PHF20L1: variants seen among roughly 807,000 people sequenced by gnomAD.
The protein encoded by PHF20L1 is PHD finger protein 20-like protein 1.
PHF20L1 carries 44 observed loss-of-function variants against 125.5 expected under a neutral mutation model. That is an observed-to-expected ratio of 0.35 (90% confidence interval 0.28 to 0.45). The LOEUF (loss-of-function observed/expected upper bound fraction) is 0.45, where lower values mean the gene tolerates loss of function less well. PHF20L1 is among the 20% of genes least tolerant of loss of function. The pLI is 1.00. For synonymous variants in PHF20L1, 380 were observed against 403.1 expected (o/e 0.94, Z 0.69); for missense variants, 1,012 against 1,217.2 (o/e 0.83, Z 2.51).
chr8:132,778,204 A>G (rs745393061), intron 2 of PHF20L1, among the ~76,000 whole-genome samples: 2 of 152,224 alleles, frequency 1.3e-5, no homozygotes, highest in African/African-American at 4.8e-5. Flanking sequence ...TATACCTCAC[A>G]TGAGCTGTAT....
chr8:132,844,625 T>C (rs1194264748), intron 20 of PHF20L1, among the ~76,000 whole-genome samples: 2 of 152,160 alleles, frequency 1.3e-5, no homozygotes, highest in Admixed American at 1.3e-4. Context: ...GAACTAAGCT[T>C]TCTTTGGAAG....
intron 5 of PHF20L1, 107 bp downstream of exon 5, chr8:132,798,967 G>T: frequency 2.9e-6 from 3 of 1,043,308 alleles, no homozygotes; most frequent in East Asian, 2.6e-5. Flanking sequence ...TAATTGTAGG[G>T]TTATGTGCTG....
At chr8:132,783,579 G>A (rs1036301797) in intron 2 of PHF20L1, among the ~76,000 whole-genome samples, 1 of 152,086 alleles carries the variant, frequency 6.6e-6, no homozygotes, top group Non-Finnish European at 1.5e-5. Flanking sequence ...GTCCTAAAGT[G>A]TAACATGTAG....
chr8:132,792,985 T>C (rs1831940648), intron 2 of PHF20L1, among the ~76,000 whole-genome samples: 1 of 131,010 alleles, frequency 7.6e-6, no homozygotes, highest in Non-Finnish European at 1.7e-5. Flanking sequence ...TTTTTTTTAG[T>C]GCCACACATA....
rs1175770185 is a variant in PHF20L1 at position 132,799,158 on chromosome 8, T to A, written c.493T>A (p.Ser165Thr). 1 of 1,604,248 alleles carries A rather than the reference T, an allele frequency of 6.2e-7. No individual in the cohort carries two copies. The highest frequency in any genetic ancestry group is 1.3e-5 in the African/African-American group (1 of 74,820). The change falls in exon 6 of 21, where the codon TCT (serine) becomes ACT (threonine). Residue 165 changes from serine to threonine, a missense_variant. By Grantham distance (58) the Ser-to-Thr change is moderately conservative. Transcript: ENST00000395386. Reference sequence around the variant, plus strand: ...CGACCCAGCTGGATCGTGTAACCAGTCTATGGGAAGTGAGGTAAGAGCCTT... The same window carrying A: ...CGACCCAGCTGGATCGTGTAACCAGACTATGGGAAGTGAGGTAAGAGCCTT... ...PIDPAGSCNQ[S>T]MGSEDWIALV...
Position 132,847,644 on chromosome 8 carries a change from G to A in PHF20L1, c.*1721G>A, listed in dbSNP as rs776793696. 1 of 152,538 alleles carries A rather than the reference G, an allele frequency of 6.6e-6. No homozygotes were observed. The highest frequency in any genetic ancestry group is 1.5e-5 in the Non-Finnish European group (1 of 67,998). The allele number at this position is 152,538 out of a possible 1,614,324, so 9.4% of individuals were successfully genotyped here. A position where few individuals can be genotyped will look rare whatever the true frequency, so the allele number is the denominator to read the frequency against. ...ATTTTGATGTAAAGATTAAAAGAAT[G>A]TGCAAAACAGTCAGAAATTTTTATT... On this transcript the variant is annotated 3_prime_UTR_variant, in exon 21 of 21. Transcript: ENST00000395386.
rs139330703 is a variant in PHF20L1, at chr8:132,834,270, A to G, written c.1909+1871A>G. Among the ~76,000 whole-genome samples, 153 of 152,250 alleles carry G rather than the reference A, an allele frequency of 1.0e-3. 1 individual carries two copies. Among genetic ancestry groups the G allele is most frequent in the Admixed American group, 1.8e-3 (27 of 15,280 alleles). ...GCTTGCTAACACCATAAAACTGGTAATCTTTGCCATGCAAGTATATGTGAG... is the reference window on the plus strand; with the variant it reads ...GCTTGCTAACACCATAAAACTGGTAGTCTTTGCCATGCAAGTATATGTGAG... On this transcript the variant is annotated intron_variant, in intron 15 of 20. Transcript: ENST00000395386.
chr8:132,837,611 A>G, intron 16 of PHF20L1, 101 bp from the exon 17 acceptor site: 1 of 847,606 alleles, frequency 1.2e-6, no homozygotes, highest in East Asian at 2.7e-5. Context: ...AGTGGCAGTA[A>G]GAAGCCAAGC....
At chr8:132,813,483 T>G (rs943730978) in intron 9 of PHF20L1, among the ~76,000 whole-genome samples, 8 of 151,918 alleles carry the variant, frequency 5.3e-5, no homozygotes, top group African/African-American at 1.7e-4. Context: ...AACAGAATTA[T>G]TTATTTATTT....
intron 7 of PHF20L1, among the ~76,000 whole-genome samples, chr8:132,804,307 T>C (rs1381840423): frequency 6.6e-6 from 1 of 151,864 alleles, no homozygotes; most frequent in African/African-American, 2.4e-5. Flanking sequence ...GGTTTTTGTT[T>C]GAGATTTTTT....
intron 4 of PHF20L1, among the ~76,000 whole-genome samples, chr8:132,797,122 G>A (rs1332767742): frequency 2.0e-5 from 3 of 151,986 alleles, no homozygotes; most frequent in African/African-American, 7.2e-5. Flanking sequence ...TTCCAGAGTA[G>A]TTTCAGTGAA....
chr8:132,842,034 T>G (rs1486637226), intron 18 of PHF20L1: 3 of 154,996 alleles, frequency 1.9e-5, no homozygotes, highest in Non-Finnish European at 4.3e-5. Flanking sequence ...ACTTATCCAT[T>G]TAAGAACTAA....
chr8:132,819,052 C>T (rs923132826), intron 12 of PHF20L1: 3 of 151,810 alleles, frequency 2.0e-5, no homozygotes, highest in Non-Finnish European at 4.4e-5. Flanking sequence ...TCCTTGACTT[C>T]GATGATTTTG....
At chr8:132,790,120 A>G (rs1831507026) in intron 2 of PHF20L1, among the ~76,000 whole-genome samples, 1 of 152,166 alleles carries the variant, frequency 6.6e-6, no homozygotes, top group Non-Finnish European at 1.5e-5. Flanking sequence ...CAAAACAACA[A>G]CATTAACACT....
intron 2 of PHF20L1, among the ~76,000 whole-genome samples, chr8:132,791,381 G>A (rs1400423103): frequency 6.6e-6 from 1 of 151,158 alleles, no homozygotes; most frequent in African/African-American, 2.4e-5. Flanking sequence ...AGCCTCCCGA[G>A]TAGCCGGGAT....
At chr8:132,810,210 A>C (rs1257567357) in intron 8 of PHF20L1, 1 of 151,698 alleles carries the variant, frequency 6.6e-6, no homozygotes, top group Non-Finnish European at 1.5e-5. Context: ...ACGCCAGCTA[A>C]TTTTTGTATT....
chr8:132,816,648 T>G (rs1157972613), intron 10 of PHF20L1: 1 of 376,296 alleles, frequency 2.7e-6, no homozygotes, highest in Admixed American at 4.2e-5. Context: ...AAATTAATGT[T>G]CCATTTTATT....
At chr8:132,825,431 C>A (rs145163628) in intron 14 of PHF20L1, 60 bp downstream of exon 14, 3 of 1,350,608 alleles carry the variant, frequency 2.2e-6, no homozygotes, top group East Asian at 2.6e-5. Flanking sequence ...CCTTTGATTC[C>A]CCTTTTCTTT....
chr8:132,797,459 A>G (rs914759181), intron 4 of PHF20L1, among the ~76,000 whole-genome samples: 4 of 152,016 alleles, frequency 2.6e-5, no homozygotes, highest in African/African-American at 9.7e-5. Flanking sequence ...AGGCATCACA[A>G]CAGAGGAAAT....
Sources: allele counts gnomAD v4.1 joint callset (sites outside exome capture counted in the v4.1 genomes callset), GRCh38; gene constraint gnomAD v4.1.1; transcripts MANE v1.5; gene names NCBI Gene and HGNC (gene_info 2026-07-23, HGNC 2026-07-21).